POU6F2: variants seen among roughly 807,000 people sequenced by gnomAD.
POU6F2 encodes the protein POU domain, class 6, transcription factor 2.
A neutral mutation model predicts 71.3 loss-of-function variants in POU6F2; 31 were observed. The ratio of observed to expected loss-of-function variants is 0.43; its 90% confidence interval spans 0.33 to 0.59. The LOEUF (loss-of-function observed/expected upper bound fraction) is 0.59, where lower values mean the gene tolerates loss of function less well. Ranked by LOEUF, POU6F2 falls within the 20% of genes least tolerant of loss-of-function variation. The pLI is 0.04. For missense variants in POU6F2, 783 were observed against 856.8 expected, an observed-to-expected ratio of 0.91 and a Z score of 1.07; for synonymous variants, 347 against 355.7, an observed-to-expected ratio of 0.98 and a Z score of 0.27.
chr7:39,146,077 G>A (rs761980530), intron 2 of POU6F2, among the ~76,000 whole-genome samples: 7 of 152,236 alleles, frequency 4.6e-5, no homozygotes, highest in Non-Finnish European at 1.0e-4. Flanking sequence ...CAGTCTAAGG[G>A]AGAAACAAAT....
At chr7:39,427,754 G>GTA (rs1788006513) in intron 6 of POU6F2, among the ~76,000 whole-genome samples, 1 of 152,204 alleles carries the variant, frequency 6.6e-6, no homozygotes, top group African/African-American at 2.4e-5. Flanking sequence ...CTTTTCTTAC[G>GTA]TATATGGGCA....
At chr7:39,351,027 C>T (rs1786130637) in intron 5 of POU6F2, among the ~76,000 whole-genome samples, 1 of 152,224 alleles carries the variant, frequency 6.6e-6, no homozygotes, top group African/African-American at 2.4e-5. Flanking sequence ...ATACCAATGC[C>T]CTGGGGCCCA....
At chr7:39,112,695 G>T (rs1309353411) in intron 2 of POU6F2, among the ~76,000 whole-genome samples, 1 of 151,646 alleles carries the variant, frequency 6.6e-6, no homozygotes, top group Non-Finnish European at 1.5e-5. Context: ...TGTTTTACTT[G>T]AGAAAGTTCA....
intron 2 of POU6F2, among the ~76,000 whole-genome samples, chr7:39,122,171 A>G (rs1037423472): frequency 1.3e-5 from 2 of 152,240 alleles, no homozygotes; most frequent in Non-Finnish European, 2.9e-5. Flanking sequence ...ATTTTACAGA[A>G]GGATTCTGTA....
intron 2 of POU6F2, among the ~76,000 whole-genome samples, chr7:39,098,438 T>C (rs1400127094): frequency 2.1e-5 from 3 of 143,840 alleles, no homozygotes; most frequent in African/African-American, 8.0e-5. Flanking sequence ...CACACTCAGC[T>C]AATTTTTTTT....
chr7:39,122,642 C>G (rs1183070872), intron 2 of POU6F2, among the ~76,000 whole-genome samples: 1 of 151,304 alleles, frequency 6.6e-6, no homozygotes, highest in Non-Finnish European at 1.5e-5. Context: ...AACCTGCTTA[C>G]CTGCTTGCTT....
In POU6F2 at chr7:39,164,491, G is replaced by C. The variant is rs538063621; in HGVS notation, c.278-39744G>C. Among the ~76,000 whole-genome samples, 19 of 143,048 alleles carry C rather than the reference G, an allele frequency of 1.3e-4. No individual in the cohort carries two copies. In the South Asian group the frequency reaches 4.3e-3, roughly 33 times the overall value. 93.8% of individuals were successfully genotyped at this position (143,048 alleles called of 152,430 possible). ...TTCCAGCAGGACTCTATGGAGCAGG[G>C]TAGGAACCCATTGTTCTGGAAGGTC... is the stretch of plus-strand genomic sequence containing the variant. On this transcript the variant is annotated intron_variant, in intron 2 of 9. Transcript: ENST00000518318.
At chr7:39,160,376 G>A (rs376714259) in intron 2 of POU6F2, among the ~76,000 whole-genome samples, 13 of 152,130 alleles carry the variant, frequency 8.5e-5, no homozygotes, top group Middle Eastern at 3.4e-3. Flanking sequence ...GTACTTTTCC[G>A]TCCCACAGAC....
At chr7:39,157,553 C>T (rs1035929428) in intron 2 of POU6F2, among the ~76,000 whole-genome samples, 1 of 152,116 alleles carries the variant, frequency 6.6e-6, no homozygotes, top group African/African-American at 2.4e-5. Context: ...AAGTGGCATC[C>T]TTCATATAAA....
chr7:39,353,267 T>C (rs1786177979), intron 5 of POU6F2, among the ~76,000 whole-genome samples: 1 of 152,176 alleles, frequency 6.6e-6, no homozygotes. Context: ...AATATCAGCC[T>C]AAGGATGCAT....
intron 2 of POU6F2, among the ~76,000 whole-genome samples, chr7:39,174,105 A>T (rs1481657095): frequency 6.6e-6 from 1 of 152,240 alleles, no homozygotes; most frequent in Non-Finnish European, 1.5e-5. Context: ...TGGGGGTGTG[A>T]TGGAGAAGGC....
intron 4 of POU6F2, among the ~76,000 whole-genome samples, chr7:39,330,963 A>G (rs1785635259): frequency 6.6e-6 from 1 of 152,048 alleles, no homozygotes; most frequent in Admixed American, 6.5e-5. Context: ...TCTGGTAAAC[A>G]CTGTTCTACT....
chr7:39,008,212 T>C (rs1414417092), intron 1 of POU6F2, among the ~76,000 whole-genome samples: 3 of 150,776 alleles, frequency 2.0e-5, no homozygotes, highest in East Asian at 3.9e-4. Context: ...TTTTAATGAT[T>C]GCCATTCTAA....
At chr7:39,076,381 C>T (rs913900763) in intron 1 of POU6F2, among the ~76,000 whole-genome samples, 1 of 152,138 alleles carries the variant, frequency 6.6e-6, no homozygotes, top group African/African-American at 2.4e-5. Context: ...TCAAACATCT[C>T]AGCTGTAGGG....
intron 4 of POU6F2, among the ~76,000 whole-genome samples, chr7:39,223,361 A>G (rs1380488905): frequency 6.6e-6 from 1 of 152,220 alleles, no homozygotes; most frequent in Non-Finnish European, 1.5e-5. Context: ...TTAGGTATAT[A>G]CAACTGTGTT....
At chr7:39,320,822 A>C (rs1785373587) in intron 4 of POU6F2, among the ~76,000 whole-genome samples, 1 of 152,208 alleles carries the variant, frequency 6.6e-6, no homozygotes, top group Non-Finnish European at 1.5e-5. Context: ...TGGGAGGCTA[A>C]GGTGGGAAGA....
chr7:39,200,264 T>A (rs1051288149), intron 2 of POU6F2, among the ~76,000 whole-genome samples: 5 of 151,944 alleles, frequency 3.3e-5, no homozygotes, highest in Admixed American at 3.3e-4. Context: ...ACAGGTAGAG[T>A]TTCATAAAAC....
At chr7:39,395,567 G>A (rs1787159577) in intron 5 of POU6F2, among the ~76,000 whole-genome samples, 1 of 152,202 alleles carries the variant, frequency 6.6e-6, no homozygotes, top group Non-Finnish European at 1.5e-5. Context: ...AAGGCATGAG[G>A]CTCTTGTCTT....
At chr7:39,290,395 C>T in intron 4 of POU6F2, among the ~76,000 whole-genome samples, 1 of 152,214 alleles carries the variant, frequency 6.6e-6, no homozygotes, top group East Asian at 1.9e-4. Context: ...CACCAAGCCA[C>T]TCCCTGTACA....
Sources: allele counts gnomAD v4.1 joint callset (sites outside exome capture counted in the v4.1 genomes callset), GRCh38; gene constraint gnomAD v4.1.1; transcripts MANE v1.5; gene names NCBI Gene and HGNC (gene_info 2026-07-23, HGNC 2026-07-21).